RPSA2: variants seen among roughly 807,000 people sequenced by gnomAD.
RPSA2 encodes small ribosomal subunit protein uS2B.
At chr19:23,837,332 GTGTA>G in the RPSA2 span, among the ~76,000 whole-genome samples, 1 of 151,004 alleles carries the variant, frequency 6.6e-6, no homozygotes, top group African/African-American at 2.4e-5. Flanking sequence ...TGTTCCATTG[GTGTA>G]TGTGCCTATT....
At chr19:23,768,454 C>A in the RPSA2 span, among the ~76,000 whole-genome samples, 1 of 148,402 alleles carries the variant, frequency 6.7e-6, no homozygotes, top group Admixed American at 6.8e-5. Flanking sequence ...AAGTTTAATG[C>A]AAAATTTTAT....
At chr19:23,805,046 A>G in the RPSA2 span, among the ~76,000 whole-genome samples, 1 of 152,190 alleles carries the variant, frequency 6.6e-6, no homozygotes, top group African/African-American at 2.4e-5. Flanking sequence ...AGTGTGGCCA[A>G]TATTTCTATT....
the RPSA2 span, among the ~76,000 whole-genome samples, chr19:23,867,963 C>T: frequency 4.0e-5 from 6 of 150,090 alleles, no homozygotes; most frequent in South Asian, 1.0e-3. Flanking sequence ...TGGCCCCTAA[C>T]ACAGGAGAAG....
chr19:23,815,262 C>G, the RPSA2 span, among the ~76,000 whole-genome samples: 3 of 152,148 alleles, frequency 2.0e-5, no homozygotes, highest in Non-Finnish European at 4.4e-5. Context: ...TGTGTTAAAC[C>G]TAGTTGGTCT....
the RPSA2 span, among the ~76,000 whole-genome samples, chr19:23,780,196 C>T: frequency 2.0e-5 from 3 of 152,212 alleles, no homozygotes; most frequent in African/African-American, 7.2e-5. Flanking sequence ...ATAAAGCACT[C>T]GGATGGTACA....
At chr19:23,766,303 C>T in the RPSA2 span, among the ~76,000 whole-genome samples, 1 of 151,298 alleles carries the variant, frequency 6.6e-6, no homozygotes, top group African/African-American at 2.4e-5. Flanking sequence ...TAGGCATGAG[C>T]CACTGTGCCC....
the RPSA2 span, chr19:23,758,666 T>C: frequency 3.2e-5 from 52 of 1,610,334 alleles, no homozygotes; most frequent in Non-Finnish European, 4.3e-5. Flanking sequence ...AGGGCGCAAA[T>C]TGTGGAGCTG....
At chr19:23,788,128 G>A in the RPSA2 span, among the ~76,000 whole-genome samples, 63 of 152,200 alleles carry the variant, frequency 4.1e-4, no homozygotes, top group East Asian at 8.9e-3. Context: ...TTCTGTACCT[G>A]TCCACAGTAG....
chr19:23,769,050 GT>G, the RPSA2 span, among the ~76,000 whole-genome samples: 1,341 of 152,310 alleles, frequency 8.8e-3, 7 homozygotes, highest in Middle Eastern at 0.034. Flanking sequence ...TAGCATACAG[GT>G]GATTTGATTC....
At chr19:23,857,964 A>T in the RPSA2 span, among the ~76,000 whole-genome samples, 1 of 151,922 alleles carries the variant, frequency 6.6e-6, no homozygotes, top group Non-Finnish European at 1.5e-5. Context: ...GCTTCATTTT[A>T]TTTTAGAATT....
At chr19:23,857,387 C>G in the RPSA2 span, among the ~76,000 whole-genome samples, 1 of 151,988 alleles carries the variant, frequency 6.6e-6, no homozygotes, top group African/African-American at 2.4e-5. Flanking sequence ...TTATGTTCCT[C>G]TACCGTGGCT....
the RPSA2 span, among the ~76,000 whole-genome samples, chr19:23,854,732 C>A: frequency 3.9e-5 from 6 of 152,326 alleles, no homozygotes; most frequent in South Asian, 1.0e-3. Flanking sequence ...ACCAAGTTGA[C>A]TGCAATTATA....
chr19:23,868,464 A>G, the RPSA2 span, among the ~76,000 whole-genome samples: 1 of 152,192 alleles, frequency 6.6e-6, no homozygotes, highest in South Asian at 2.1e-4. Context: ...GGAATTCCTT[A>G]CATTATAGAC....
the RPSA2 span, among the ~76,000 whole-genome samples, chr19:23,773,487 T>A: frequency 6.6e-6 from 1 of 152,078 alleles, no homozygotes; most frequent in Non-Finnish European, 1.5e-5. Context: ...TTTCACCATG[T>A]TCACCAGGAT....
chr19:23,844,889 T>A, the RPSA2 span, among the ~76,000 whole-genome samples: 2 of 150,760 alleles, frequency 1.3e-5, no homozygotes, highest in African/African-American at 4.8e-5. Context: ...ATTTATCTAG[T>A]TCTGAGCTTT....
chr19:23,835,467 A>C, the RPSA2 span, among the ~76,000 whole-genome samples: 1 of 152,210 alleles, frequency 6.6e-6, no homozygotes, highest in Non-Finnish European at 1.5e-5. Context: ...AAATGGTGAA[A>C]GCAAATCTAT....
chr19:23,809,406 A>G, the RPSA2 span: 148,875 of 152,302 alleles, frequency 0.98, 72,856 homozygotes, highest in Middle Eastern at 1. Context: ...TGTGAAAAAA[A>G]AACACTGGAA....
the RPSA2 span, among the ~76,000 whole-genome samples, chr19:23,853,569 C>A: frequency 6.6e-6 from 1 of 152,216 alleles, no homozygotes; most frequent in African/African-American, 2.4e-5. Context: ...TAACGTAAAC[C>A]ATCCCTGTCT....
chr19:23,796,684 G>C, the RPSA2 span, among the ~76,000 whole-genome samples: 1 of 151,908 alleles, frequency 6.6e-6, no homozygotes, highest in East Asian at 1.9e-4. Context: ...TTGGAAGGAT[G>C]TATTTGTTCA....
Sources: allele counts gnomAD v4.1 joint callset (sites outside exome capture counted in the v4.1 genomes callset), GRCh38; gene constraint gnomAD v4.1.1; transcripts MANE v1.5; gene names NCBI Gene and HGNC (gene_info 2026-07-23, HGNC 2026-07-21).